Variants in PRSS38 observed in about 807,000 individuals in gnomAD.
The protein encoded by PRSS38 is marapsin 2.
PRSS38 carries 22 observed loss-of-function variants against 26.8 expected under a neutral mutation model. That is an observed-to-expected ratio of 0.82 (90% confidence interval 0.59 to 1.17). The LOEUF is 1.17. PRSS38 is among the 50% of genes most tolerant of loss of function. PRSS38 has a pLI of 0.00. For missense variants in PRSS38, 427 were observed against 422.7 expected (o/e 1.01, Z -0.09); for synonymous variants, 175 against 172.1 (o/e 1.02, Z -0.13).
At chr1:227,822,079 C>A (rs1665011069) in intron 3 of PRSS38, among the ~76,000 whole-genome samples, 1 of 152,100 alleles carries the variant, frequency 6.6e-6, no homozygotes, top group South Asian at 2.1e-4. Context: ...TCTTCAAGTT[C>A]ACCTATGCTC....
intron 3 of PRSS38, among the ~76,000 whole-genome samples, chr1:227,832,616 T>C (rs1665168549): frequency 6.6e-6 from 1 of 152,180 alleles, no homozygotes; most frequent in Non-Finnish European, 1.5e-5. Context: ...GATGCCTGCT[T>C]TCACCACTGG....
In PRSS38 at chr1:227,816,198, G is replaced by A. The variant is rs142941261; in HGVS notation, c.257G>A (p.Gly86Asp). Residue 86 changes from glycine to aspartate, a missense_variant, in exon 2 of 5, where the codon GGC becomes GAC. By Grantham distance (94) the Gly-to-Asp change is moderately conservative. Coordinates refer to ENST00000366757, the Ensembl canonical transcript of PRSS38. This position sits in a 1 kb window ranked among gnomAD's most constrained non-coding sequence, Gnocchi z 5.1. ...CACTACGCAGGCCTCCACGTCTGCGGCGGCTCCATCCTCAATGAGTACTGG... is the reference window on the plus strand; with the variant it reads ...CACTACGCAGGCCTCCACGTCTGCGACGGCTCCATCCTCAATGAGTACTGG... The A allele has an allele frequency of 1.5e-5, 24 of 1,613,698 alleles. No individual in the cohort carries two copies. The highest frequency in any genetic ancestry group is 2.0e-5 in the Non-Finnish European group (24 of 1,179,852).
intron 3 of PRSS38, among the ~76,000 whole-genome samples, chr1:227,828,347 A>G (rs1434953090): frequency 6.6e-6 from 1 of 152,158 alleles, no homozygotes; most frequent in African/African-American, 2.4e-5. Flanking sequence ...GTCTCTAATA[A>G]CTTGCGTTAT....
At chr1:227,841,066 T>C (rs1054574077) in intron 3 of PRSS38, among the ~76,000 whole-genome samples, 9 of 152,218 alleles carry the variant, frequency 5.9e-5, no homozygotes, top group African/African-American at 2.2e-4. Flanking sequence ...AATGCTGCAT[T>C]ATAAAGAGTG....
rs187889028 is a variant in PRSS38, at chr1:227,829,199, C to T, written c.583+11719C>T. The stretch of plus-strand genomic sequence containing the variant: ...ATTCCTCTCTGTGAGTGCCACAGAC[C>T]GCAGCTGCTTCCAATTGGCCATTTT... On this transcript the variant is annotated intron_variant, in intron 3 of 4. Coordinates refer to ENST00000366757, the Ensembl canonical transcript of PRSS38. 1.2e-4 allele frequency among the ~76,000 whole-genome samples: 19 copies of T among 152,234 alleles called. No homozygotes were observed. The East Asian group carries it at 1.7e-3, about 14-fold the overall frequency.
intron 3 of PRSS38, among the ~76,000 whole-genome samples, chr1:227,817,879 T>G (rs1664946350): frequency 6.6e-6 from 1 of 152,208 alleles, no homozygotes; most frequent in Non-Finnish European, 1.5e-5. Context: ...TTTAGGTCTA[T>G]TCAAAAGAGA....
At chr1:227,835,817 G>C (rs942808643) in intron 3 of PRSS38, among the ~76,000 whole-genome samples, 2 of 152,180 alleles carry the variant, frequency 1.3e-5, no homozygotes, top group Admixed American at 1.3e-4. Context: ...GTGACTTTTG[G>C]CTTGATGAAA....
At position 227,819,430 on chromosome 1, in the gene PRSS38, G is replaced by A. The variant is rs563756618; in HGVS notation, c.583+1950G>A. On this transcript the variant is annotated intron_variant, in intron 3 of 4. Transcript: ENST00000366757. ...TTGAATTCTTACATATTTGTTATTC[G>A]TTTCTCAAAAGTATGTGCACCCTAT... 6.6e-4 allele frequency among the ~76,000 whole-genome samples: 100 copies of A among 152,020 alleles called. No individual in the cohort carries two copies. In the South Asian group the frequency reaches 0.01, roughly 16 times the overall value.
At chr1:227,817,269 C>A in exon 3 of PRSS38, 1 of 1,614,174 alleles carries the variant, frequency 6.2e-7, no homozygotes, top group African/African-American at 1.3e-5. Context: ...GGGTGGCCGG[C>A]AACCACACCC....
At chr1:227,839,813 T>A (rs76208319) in intron 3 of PRSS38, among the ~76,000 whole-genome samples, 1,583 of 152,294 alleles carry the variant, frequency 0.01, 23 homozygotes, top group African/African-American at 0.036. Context: ...AGAGTCACCG[T>A]CATCCAGCAG....
chr1:227,819,676 G>A (rs531040491), intron 3 of PRSS38, among the ~76,000 whole-genome samples: 1 of 152,138 alleles, frequency 6.6e-6, no homozygotes, highest in Non-Finnish European at 1.5e-5. Context: ...GAGTATGCAA[G>A]TTTTTCACCT....
intron 4 of PRSS38, 63 bp from the exon 5 acceptor site, chr1:227,845,891 C>A: frequency 6.3e-7 from 1 of 1,585,742 alleles, no homozygotes; most frequent in Non-Finnish European, 8.6e-7. Flanking sequence ...CCCTGGGGGA[C>A]AGGTGCAGGA....
intron 3 of PRSS38, among the ~76,000 whole-genome samples, chr1:227,833,990 G>A (rs1665200585): frequency 6.6e-6 from 1 of 152,184 alleles, no homozygotes. Context: ...TTAGGGTGGG[G>A]CCTTGTCCAA....
intron 3 of PRSS38, among the ~76,000 whole-genome samples, chr1:227,842,577 G>A (rs561059806): frequency 2.0e-5 from 3 of 151,828 alleles, no homozygotes; most frequent in Admixed American, 2.0e-4. Context: ...TTCTCTGAGG[G>A]AACTTCTTTT....
Position 227,816,568 on chromosome 1 carries a change from G to A in PRSS38, c.311+316G>A, listed in dbSNP as rs1286228721. 2.0e-5 allele frequency among the ~76,000 whole-genome samples: 3 copies of A among 151,984 alleles called. No homozygotes were observed. ...CAGTTAGGTTCCCATGAGCTAGGTT[G>A]GTCCTCAAATGCACAGCCTGGTCCC... On this transcript the variant is annotated intron_variant, in intron 2 of 4. Transcript: ENST00000366757. The surrounding 1 kb of genome is among the most constrained non-coding windows in gnomAD (Gnocchi z 5.1).
intron 3 of PRSS38, among the ~76,000 whole-genome samples, chr1:227,818,798 C>T (rs759415099): frequency 1.3e-5 from 2 of 151,702 alleles, no homozygotes; most frequent in African/African-American, 4.8e-5. Flanking sequence ...CAAAACTTTC[C>T]CATCTATTTG....
chr1:227,824,982 T>C (rs1162900046), intron 3 of PRSS38, among the ~76,000 whole-genome samples: 1 of 152,194 alleles, frequency 6.6e-6, no homozygotes, highest in African/African-American at 2.4e-5. Flanking sequence ...CTTTGTCAGA[T>C]GGATAGATTG....
chr1:227,816,129 G>A lies in PRSS38; in HGVS notation c.188G>A (p.Gly63Asp). 6 of 1,613,682 alleles carry A rather than the reference G, an allele frequency of 3.7e-6. No homozygotes were observed. The highest frequency in any genetic ancestry group is 5.1e-6 in the Non-Finnish European group (6 of 1,179,892). The stretch of plus-strand genomic sequence containing the variant: ...AGCATGGAGGGGAAAATCCTGGGCG[G>A]CGTCCCTGCGCCCGAGAGGAAGTGG... Residue 63 changes from glycine (G) to aspartate (D), a missense_variant, in exon 2 of 5, where the codon GGC becomes GAC. Gly to Asp is a moderately conservative substitution (Grantham distance 94). Transcript: ENST00000366757. The surrounding 1 kb of genome is among the most constrained non-coding windows in gnomAD (Gnocchi z 5.1).
At position 227,816,963 on chromosome 1, in the gene PRSS38, G is replaced by A. The variant is rs1664927461; in HGVS notation, c.312-246G>A. Among the ~76,000 whole-genome samples the A allele has an allele frequency of 6.6e-6, 1 of 152,238 alleles. No individual in the cohort carries two copies. The highest frequency in any genetic ancestry group is 6.5e-5 in the Admixed American group (1 of 15,288). ...AGTCAGAGCAGGTCTCACATGCATGGGCTGCTGGCCTGTACAGCTGGTGGT... is the reference window on the plus strand; with the variant it reads ...AGTCAGAGCAGGTCTCACATGCATGAGCTGCTGGCCTGTACAGCTGGTGGT... On this transcript the variant is annotated intron_variant, in intron 2 of 4. Transcript: ENST00000366757. The surrounding 1 kb of genome is among the most constrained non-coding windows in gnomAD (Gnocchi z 5.1).
Sources: allele counts gnomAD v4.1 joint callset (sites outside exome capture counted in the v4.1 genomes callset), GRCh38; gene constraint gnomAD v4.1.1; non-coding constraint Gnocchi (gnomAD v3.1); transcripts MANE v1.5; gene names NCBI Gene and HGNC (gene_info 2026-07-23, HGNC 2026-07-21).